ZFYVE9: variants seen among roughly 807,000 people sequenced by gnomAD.
The protein encoded by ZFYVE9 is zinc finger FYVE domain-containing protein 9.
A neutral mutation model predicts 126.7 loss-of-function variants in ZFYVE9; 43 were observed. That is an observed-to-expected ratio of 0.34 (90% CI 0.27 to 0.44). The LOEUF (loss-of-function observed/expected upper bound fraction) is 0.44. Ranked by LOEUF, ZFYVE9 falls within the 20% of genes least tolerant of loss-of-function variation. ZFYVE9 has a pLI of 1.00. For synonymous variants in ZFYVE9, 521 were observed against 597.4 expected, an observed-to-expected ratio of 0.87 and a Z score of 1.87; for missense variants, 1,476 against 1,697.0, an observed-to-expected ratio of 0.87 and a Z score of 2.29.
chr1:52,155,307 C>T (rs1249833779), intron 1 of ZFYVE9, among the ~76,000 whole-genome samples: 1 of 148,036 alleles, frequency 6.8e-6, no homozygotes, highest in African/African-American at 2.5e-5. Flanking sequence ...GATTTCGGCT[C>T]ACTGCAGGCT....
intron 1 of ZFYVE9, among the ~76,000 whole-genome samples, chr1:52,166,151 G>A (rs1644511949): frequency 6.6e-6 from 1 of 152,238 alleles, no homozygotes; most frequent in African/African-American, 2.4e-5. Context: ...CATCAGTCAA[G>A]TGAAACTGAC....
chr1:52,249,280 A>C (rs1485230288), intron 4 of ZFYVE9, among the ~76,000 whole-genome samples: 1 of 152,210 alleles, frequency 6.6e-6, no homozygotes, highest in Admixed American at 6.5e-5. Context: ...TAACAATGTG[A>C]AAACAGACTA....
At chr1:52,317,430 C>G (rs1156438721) in intron 13 of ZFYVE9, among the ~76,000 whole-genome samples, 1 of 150,514 alleles carries the variant, frequency 6.6e-6, no homozygotes, top group African/African-American at 2.4e-5. Context: ...TGCGGTAACT[C>G]GAGATCACGC....
chr1:52,199,965 C>T (rs755853139), intron 1 of ZFYVE9, among the ~76,000 whole-genome samples: 1 of 150,722 alleles, frequency 6.6e-6, no homozygotes, highest in Non-Finnish European at 1.5e-5. Context: ...TGCCTGTTTG[C>T]CATCTGTGTA....
chr1:52,240,416 G>T (rs759220019), intron 4 of ZFYVE9, among the ~76,000 whole-genome samples: 27 of 152,138 alleles, frequency 1.8e-4, no homozygotes, highest in Non-Finnish European at 3.2e-4. Context: ...TTATTGGGCT[G>T]TTGTCAAGAT....
At chr1:52,253,789 G>A in intron 4 of ZFYVE9, 1 of 1,605,048 alleles carries the variant, frequency 6.2e-7, no homozygotes, top group East Asian at 2.2e-5. Flanking sequence ...TTGGCAATCA[G>A]ATGGCTCCCA....
chr1:52,151,526 T>C (rs1644356352), intron 1 of ZFYVE9, among the ~76,000 whole-genome samples: 1 of 151,894 alleles, frequency 6.6e-6, no homozygotes, highest in Non-Finnish European at 1.5e-5. Context: ...TTTTCTTTTT[T>C]TTTTTTTGAG....
chr1:52,226,194 C>A (rs1414423822), intron 2 of ZFYVE9, among the ~76,000 whole-genome samples: 1 of 152,128 alleles, frequency 6.6e-6, no homozygotes, highest in East Asian at 1.9e-4. Flanking sequence ...GTACATGTGG[C>A]TGGCAGAGAA....
At chr1:52,172,156 C>G (rs916698806) in intron 1 of ZFYVE9, among the ~76,000 whole-genome samples, 2 of 152,132 alleles carry the variant, frequency 1.3e-5, no homozygotes, top group Non-Finnish European at 2.9e-5. Flanking sequence ...AGTCTTTAGT[C>G]CATCTTGAAT....
chr1:52,182,863 C>T (rs1371446236), intron 1 of ZFYVE9, among the ~76,000 whole-genome samples: 1 of 149,942 alleles, frequency 6.7e-6, no homozygotes, highest in Admixed American at 6.6e-5. Flanking sequence ...GTGTATTTTC[C>T]TCATTTATAT....
chr1:52,202,256 C>A (rs1464740649), intron 1 of ZFYVE9, among the ~76,000 whole-genome samples: 1 of 151,838 alleles, frequency 6.6e-6, no homozygotes, highest in Non-Finnish European at 1.5e-5. Flanking sequence ...TTTCTTTACT[C>A]CTCCGTAGGT....
intron 1 of ZFYVE9, among the ~76,000 whole-genome samples, chr1:52,169,914 A>G (rs1034806036): frequency 2.0e-5 from 3 of 152,178 alleles, no homozygotes; most frequent in Admixed American, 6.5e-5. Flanking sequence ...GGATTTGTCA[A>G]TCAGTAAGCC....
At chr1:52,329,876 G>T (rs1569769249) in intron 13 of ZFYVE9, among the ~76,000 whole-genome samples, 1 of 152,216 alleles carries the variant, frequency 6.6e-6, no homozygotes, top group African/African-American at 2.4e-5. Context: ...CTGCACTCCA[G>T]CCTGGGTGAC....
chr1:52,159,341 T>C (rs1186816750), intron 1 of ZFYVE9, among the ~76,000 whole-genome samples: 3 of 152,156 alleles, frequency 2.0e-5, no homozygotes, highest in Admixed American at 6.6e-5. Context: ...TGGTACCAGC[T>C]GTGCCAGTTT....
At chr1:52,249,458 T>C (rs1220820205) in intron 4 of ZFYVE9, among the ~76,000 whole-genome samples, 1 of 152,210 alleles carries the variant, frequency 6.6e-6, no homozygotes. Context: ...GAGAAATGTC[T>C]ATTCAGGTCT....
intron 1 of ZFYVE9, among the ~76,000 whole-genome samples, chr1:52,152,894 G>C (rs1019409262): frequency 4.6e-5 from 7 of 152,210 alleles, no homozygotes; most frequent in African/African-American, 1.7e-4. Context: ...TTATGGGATG[G>C]AATGCCTATG....
intron 2 of ZFYVE9, among the ~76,000 whole-genome samples, chr1:52,225,930 G>A (rs190090612): frequency 1.7e-4 from 26 of 152,256 alleles, no homozygotes; most frequent in African/African-American, 6.3e-4. Context: ...ATAAACAGAA[G>A]AAAGGAGAAA....
At chr1:52,197,608 TAGA>T (rs1644872882) in intron 1 of ZFYVE9, among the ~76,000 whole-genome samples, 1 of 49,294 alleles carries the variant, frequency 2.0e-5, no homozygotes, top group South Asian at 7.5e-4. Context: ...CAAAAAAAAA[TAGA>T]AGAAAGTAAG....
At chr1:52,333,039 C>G (rs1249115834) in intron 14 of ZFYVE9, 121 bp downstream of exon 14, 1 of 1,279,848 alleles carries the variant, frequency 7.8e-7, no homozygotes, top group Non-Finnish European at 1.1e-6. Context: ...AATTAATTAA[C>G]CTTTCCAACC....
Sources: allele counts gnomAD v4.1 joint callset (sites outside exome capture counted in the v4.1 genomes callset), GRCh38; gene constraint gnomAD v4.1.1; transcripts MANE v1.5; gene names NCBI Gene and HGNC (gene_info 2026-07-23, HGNC 2026-07-21).